FAM135B: variants seen among roughly 807,000 people sequenced by gnomAD.
FAM135B encodes the protein protein FAM135B.
Under a neutral mutation model 127.7 loss-of-function variants are expected in FAM135B, and 43 were observed. The observed-to-expected ratio is 0.34, with a 90% CI of 0.26 to 0.43. The LOEUF (loss-of-function observed/expected upper bound fraction) is 0.43, where lower values mean the gene tolerates loss of function less well. Ranked by LOEUF, FAM135B falls within the 20% of genes least tolerant of loss-of-function variation. The pLI is 1.00. For missense variants in FAM135B, 1,558 were observed against 1,725.6 expected, an observed-to-expected ratio of 0.90 and a Z score of 1.72; for synonymous variants, 670 against 665.1, an observed-to-expected ratio of 1.01 and a Z score of -0.11.
chr8:138,131,036 C>T lies in FAM135B; in HGVS notation c.*1557G>A, dbSNP rs1816176781. The T allele has an allele frequency of 2.0e-5, 3 of 152,324 alleles. No individual in the cohort carries two copies. In the South Asian group the frequency reaches 6.2e-4, roughly 32 times the overall value. 9.4% of individuals were successfully genotyped at this position (152,324 alleles called of 1,614,324 possible). ...ATGTCTACACTCCTGCAAAGCTGCC[C>T]ATCTGGACTCATTCCCATGGTCTGC... On this transcript the variant is annotated 3_prime_UTR_variant, in exon 20 of 20. Coordinates refer to ENST00000395297, the MANE Select transcript of FAM135B (RefSeq NM_015912.4).
At chr8:138,323,202 G>A (rs572459924) in intron 2 of FAM135B, among the ~76,000 whole-genome samples, 10 of 152,240 alleles carry the variant, frequency 6.6e-5, no homozygotes, top group East Asian at 5.8e-4. Context: ...TTCTCTACCC[G>A]CATTCTCCTT....
At chr8:138,324,041 T>C (rs1312617760) in intron 2 of FAM135B, among the ~76,000 whole-genome samples, 1 of 152,184 alleles carries the variant, frequency 6.6e-6, no homozygotes, top group African/African-American at 2.4e-5. Flanking sequence ...TCTGTGCACA[T>C]ATCTGTCCAG....
At chr8:138,166,667 C>T (rs1310084805) in intron 12 of FAM135B, among the ~76,000 whole-genome samples, 2 of 152,174 alleles carry the variant, frequency 1.3e-5, no homozygotes, top group Admixed American at 1.3e-4. Flanking sequence ...AGACTTAAAA[C>T]ACTTCTAATA....
At chr8:138,394,680 T>C (rs1440958794) in intron 1 of FAM135B, among the ~76,000 whole-genome samples, 1 of 151,946 alleles carries the variant, frequency 6.6e-6, no homozygotes, top group Non-Finnish European at 1.5e-5. Flanking sequence ...CTGAGTCCTC[T>C]GCATGAGTTC....
rs373715580 is a variant in FAM135B, at chr8:138,302,194, G to C, written c.157+8647C>G. On this transcript the variant is annotated intron_variant, in intron 3 of 19. Transcript: ENST00000395297. The stretch of plus-strand genomic sequence containing the variant: ...GAGAAGAAAAATGAATTCCAAGGAG[G>C]GGGGTGAGGAGTCCGAGGTCATCCA... 2.4e-4 allele frequency among the ~76,000 whole-genome samples: 36 copies of C among 152,160 alleles called. No homozygotes were observed. In the East Asian group the frequency reaches 2.9e-3, roughly 12 times the overall value.
chr8:138,137,155 C>T lies in FAM135B; in HGVS notation c.4007G>A (p.Arg1336Lys), dbSNP rs2130538353. 1 of 1,526,518 alleles carries T rather than the reference C, an allele frequency of 6.6e-7. No homozygotes were observed. The allele number at this position is 1,526,518 out of a possible 1,614,324, so 94.6% of individuals were successfully genotyped here. The change falls in exon 19 of 20, where the codon AGA (arginine) becomes AAA (lysine). Residue 1336 changes from arginine (R) to lysine (K), a missense_variant. Arg to Lys is a conservative substitution (Grantham distance 26, BLOSUM62 2). Transcript: ENST00000395297. Reference protein sequence around the residue: ...IEMCKTALKDRHTGPVYAEMI... With the variant: ...IEMCKTALKDKHTGPVYAEMI... ...AATTAAATGTAGCTTACCTGTGTGTCTGTCTTTGAGGGCAGTTTTACACAT... is the reference window on the plus strand; with the variant it reads ...AATTAAATGTAGCTTACCTGTGTGTTTGTCTTTGAGGGCAGTTTTACACAT...
intron 8 of FAM135B, among the ~76,000 whole-genome samples, chr8:138,196,937 G>A (rs1816677718): frequency 6.6e-6 from 1 of 152,162 alleles, no homozygotes; most frequent in Admixed American, 6.5e-5. Context: ...AATCAACAGA[G>A]ATTCAAGCCC....
chr8:138,437,849 A>G (rs1835537683), intron 1 of FAM135B: 1 of 152,232 alleles, frequency 6.6e-6, no homozygotes, highest in Non-Finnish European at 1.5e-5. Flanking sequence ...GCCATTCAGT[A>G]AATAGTAGCA....
At chr8:138,479,385 A>T (rs1204589980) in intron 1 of FAM135B, among the ~76,000 whole-genome samples, 1 of 152,144 alleles carries the variant, frequency 6.6e-6, no homozygotes, top group African/African-American at 2.4e-5. Flanking sequence ...CACATGGTTG[A>T]TCCCCCTGGC....
intron 1 of FAM135B, among the ~76,000 whole-genome samples, chr8:138,479,136 T>C (rs1323376188): frequency 1.3e-5 from 2 of 152,198 alleles, no homozygotes; most frequent in Non-Finnish European, 2.9e-5. Context: ...AGGCCAGGTA[T>C]GGAAAGCGGT....
chr8:138,270,829 G>A (rs1194337377), intron 3 of FAM135B, among the ~76,000 whole-genome samples: 2 of 152,284 alleles, frequency 1.3e-5, no homozygotes, highest in Non-Finnish European at 2.9e-5. Flanking sequence ...ATTTTGGAGG[G>A]GACAAACGTT....
At chr8:138,336,123 T>C (rs1158019251) in intron 2 of FAM135B, among the ~76,000 whole-genome samples, 4 of 151,808 alleles carry the variant, frequency 2.6e-5, no homozygotes, top group South Asian at 2.1e-4. Context: ...AGAGGGAAAT[T>C]TATAGCACTA....
At chr8:138,476,137 A>C (rs1814419715) in intron 1 of FAM135B, among the ~76,000 whole-genome samples, 1 of 152,222 alleles carries the variant, frequency 6.6e-6, no homozygotes, top group African/African-American at 2.4e-5. Flanking sequence ...GTATGATTCT[A>C]ACTATATAAT....
intron 1 of FAM135B, among the ~76,000 whole-genome samples, chr8:138,465,336 C>T (rs138167468): frequency 6.6e-6 from 1 of 152,174 alleles, no homozygotes; most frequent in Non-Finnish European, 1.5e-5. Context: ...ACAGGTGCTG[C>T]AAGGAGTCCA....
chr8:138,206,713 C>T (rs1586772570), intron 7 of FAM135B, among the ~76,000 whole-genome samples: 1 of 149,798 alleles, frequency 6.7e-6, no homozygotes, highest in African/African-American at 2.5e-5. Context: ...ACGCACAGCT[C>T]TATCATCCCC....
At chr8:138,180,257 T>G (rs10505693) in intron 9 of FAM135B, among the ~76,000 whole-genome samples, 3,380 of 152,214 alleles carry the variant, frequency 0.022, 135 homozygotes, top group African/African-American at 0.077. Flanking sequence ...CAGGCACATG[T>G]TTAGAATAAG....
intron 1 of FAM135B, among the ~76,000 whole-genome samples, chr8:138,457,239 C>T (rs764523447): frequency 1.6e-4 from 25 of 152,104 alleles, no homozygotes; most frequent in East Asian, 7.8e-4. Context: ...GTGTGGGAAA[C>T]GGGACATGGC....
chr8:138,384,315 G>A (rs928181033), intron 1 of FAM135B, among the ~76,000 whole-genome samples: 1 of 152,174 alleles, frequency 6.6e-6, no homozygotes, highest in African/African-American at 2.4e-5. Flanking sequence ...GCTAGTGGTT[G>A]CCTAGTGGTA....
chr8:138,386,227 A>C (rs895570297), intron 1 of FAM135B, among the ~76,000 whole-genome samples: 1 of 151,874 alleles, frequency 6.6e-6, no homozygotes, highest in Non-Finnish European at 1.5e-5. Flanking sequence ...AAAAAAACAA[A>C]AAAAAAAACA....
Sources: allele counts gnomAD v4.1 joint callset (sites outside exome capture counted in the v4.1 genomes callset), GRCh38; gene constraint gnomAD v4.1.1; transcripts MANE v1.5; gene names NCBI Gene and HGNC (gene_info 2026-07-23, HGNC 2026-07-21).